VWA8: variants seen among roughly 807,000 people sequenced by gnomAD.
The protein encoded by VWA8 is von Willebrand factor A domain containing 8, also known as von Willebrand factor A domain-containing protein 8.
VWA8 carries 221 observed loss-of-function variants against 241.5 expected under a neutral mutation model. The observed-to-expected ratio is 0.91, with a 90% CI of 0.82 to 1.02. VWA8 has a LOEUF of 1.02. Among genes scored for constraint, VWA8 ranks in the 50% least tolerant of loss-of-function variants. VWA8 has a pLI of 0.00. For synonymous variants in VWA8, 852 were observed against 827.1 expected (o/e 1.03, Z -0.52); for missense variants, 2,322 against 2,328.7 (o/e 1.00, Z 0.06).
At chr13:41,847,091 T>C (rs890246376) in intron 12 of VWA8, among the ~76,000 whole-genome samples, 38 of 152,010 alleles carry the variant, frequency 2.5e-4, no homozygotes, top group Admixed American at 1.9e-3. Context: ...TGAATATATA[T>C]ATGAAGAGAG....
chr13:41,584,508 C>CT (rs2044404384), intron 42 of VWA8, among the ~76,000 whole-genome samples: 2 of 152,244 alleles, frequency 1.3e-5, no homozygotes, highest in Non-Finnish European at 2.9e-5. Context: ...GCTCAAAGAG[C>CT]TTGTTTTGTG....
chr13:41,605,349 C>T, intron 39 of VWA8, 73 bp from the exon 40 acceptor site: 3 of 1,440,612 alleles, frequency 2.1e-6, no homozygotes, highest in African/African-American at 1.4e-5. Flanking sequence ...CATTCGCCTC[C>T]TGCTGGAACT....
At chr13:41,915,103 C>T (rs1040910041) in intron 2 of VWA8, among the ~76,000 whole-genome samples, 2 of 152,132 alleles carry the variant, frequency 1.3e-5, no homozygotes, top group African/African-American at 4.8e-5. Context: ...TTGAAGCAAA[C>T]TGGAGCAGAA....
chr13:41,727,645 A>T (rs2045447520), intron 23 of VWA8, among the ~76,000 whole-genome samples: 2 of 152,166 alleles, frequency 1.3e-5, no homozygotes, highest in African/African-American at 2.4e-5. Flanking sequence ...AAAAATTAAA[A>T]ATAGAAATCC....
rs1361410587 is a variant in VWA8 at position 41,816,792 on chromosome 13, T to A, written c.1870-17A>T. ...ATTTGGGACCTATTTTTTGAAAGAG[T>A]TGAGGACAAACAGAAGGAATAAATC... On this transcript the variant is annotated splice_polypyrimidine_tract_variant and intron_variant, in intron 15 of 44. Transcript: ENST00000379310. 6.3e-7 allele frequency: 1 copy of A among 1,589,020 alleles called. No individual in the cohort carries two copies. Among genetic ancestry groups the A allele is most frequent in the South Asian group, 1.1e-5 (1 of 89,570 alleles).
In VWA8 at chr13:41,952,692, C is replaced by T. The variant is rs1878187672; in HGVS notation, c.164-2679G>A. Among the ~76,000 whole-genome samples the T allele has an allele frequency of 2.0e-5, 3 of 151,914 alleles. No homozygotes were observed. The South Asian group carries it at 6.2e-4, about 32-fold the overall frequency. ...CGACATCATCCTTCTAATAAATAATCTAGAAAAAGGGCAGACTATACAAAT... is the reference window on the plus strand; with the variant it reads ...CGACATCATCCTTCTAATAAATAATTTAGAAAAAGGGCAGACTATACAAAT... On this transcript the variant is annotated intron_variant, in intron 1 of 44. Transcript: ENST00000379310.
At chr13:41,638,537 T>C (rs1398833257) in intron 37 of VWA8, among the ~76,000 whole-genome samples, 1 of 152,082 alleles carries the variant, frequency 6.6e-6, no homozygotes, top group Non-Finnish European at 1.5e-5. Flanking sequence ...ATGAGAAGAC[T>C]GGGTTTCAAT....
chr13:41,882,021 G>A lies in VWA8; in HGVS notation c.1080+1366C>T, dbSNP rs561289621. Among the ~76,000 whole-genome samples the A allele has an allele frequency of 3.6e-3, 535 of 150,082 alleles. 3 individuals are homozygous for A. The highest frequency in any genetic ancestry group is 0.012 in the African/African-American group (505 of 40,486). Reference sequence around the variant, plus strand: ...TCACTTCTCAGATGGGGCGGCTTCCGGGCGGAGGGGCTCCTCACTTCTCAG... The same window carrying A: ...TCACTTCTCAGATGGGGCGGCTTCCAGGCGGAGGGGCTCCTCACTTCTCAG... On this transcript the variant is annotated intron_variant, in intron 9 of 44. Transcript: ENST00000379310.
At chr13:41,846,774 C>T (rs4290381) in intron 12 of VWA8, among the ~76,000 whole-genome samples, 13,378 of 152,148 alleles carry the variant, frequency 0.088, 715 homozygotes, top group African/African-American at 0.15. Flanking sequence ...CGGTGGCTCA[C>T]GCCTGTAATC....
chr13:41,596,277 A>G (rs1231764487), intron 40 of VWA8, among the ~76,000 whole-genome samples: 2 of 152,234 alleles, frequency 1.3e-5, no homozygotes, highest in South Asian at 2.1e-4. Flanking sequence ...TCTATCCTCT[A>G]GCCAGCCCAC....
intron 17 of VWA8, among the ~76,000 whole-genome samples, chr13:41,805,205 G>A (rs1462125788): frequency 6.6e-6 from 1 of 151,450 alleles, no homozygotes; most frequent in Non-Finnish European, 1.5e-5. Flanking sequence ...GAAAATAAAG[G>A]GACAGAAAAA....
chr13:41,856,698 C>A (rs1338585001), intron 12 of VWA8, among the ~76,000 whole-genome samples: 1 of 152,046 alleles, frequency 6.6e-6, no homozygotes, highest in East Asian at 1.9e-4. Context: ...CTGGTGTGCA[C>A]CTGTAGTCCC....
chr13:41,670,791 T>C (rs1005552485), intron 37 of VWA8, among the ~76,000 whole-genome samples, 155 bp downstream of exon 37: 20 of 152,306 alleles, frequency 1.3e-4, no homozygotes, highest in Non-Finnish European at 1.8e-4. Context: ...GGAGAATTTG[T>C]TTTTGTCTTT....
chr13:41,629,457 ATGAG>A (rs2044713232), intron 37 of VWA8, among the ~76,000 whole-genome samples: 1 of 152,230 alleles, frequency 6.6e-6, no homozygotes, highest in Non-Finnish European at 1.5e-5. Context: ...TATGCTTGTT[ATGAG>A]ATCAATAAAA....
intron 40 of VWA8, among the ~76,000 whole-genome samples, chr13:41,602,470 C>G (rs1004665072): frequency 1.3e-5 from 2 of 152,060 alleles, no homozygotes; most frequent in Non-Finnish European, 2.9e-5. Flanking sequence ...AAAATGGAAC[C>G]AATATTTCAC....
chr13:41,950,036 GAATAAT>G (rs745958830), intron 1 of VWA8, 23 bp from the exon 2 acceptor site: 5 of 1,421,104 alleles, frequency 3.5e-6, no homozygotes, highest in Non-Finnish European at 4.8e-6. Context: ...TTTAAAAACA[GAATAAT>G]TATAAGAGAC....
At chr13:41,610,632 G>A (rs1266087046) in intron 39 of VWA8, among the ~76,000 whole-genome samples, 2 of 152,158 alleles carry the variant, frequency 1.3e-5, no homozygotes, top group African/African-American at 4.8e-5. Context: ...TGTTCTACGT[G>A]GGAGGAATTT....
chr13:41,718,014 A>T (rs997281910), intron 26 of VWA8, among the ~76,000 whole-genome samples: 5 of 152,010 alleles, frequency 3.3e-5, no homozygotes, highest in African/African-American at 9.7e-5. Context: ...GAATAAGTTA[A>T]ACCATTTTTA....
At chr13:41,928,195 C>T (rs555767139) in intron 2 of VWA8, among the ~76,000 whole-genome samples, 42 of 152,184 alleles carry the variant, frequency 2.8e-4, no homozygotes, top group African/African-American at 8.9e-4. Context: ...ATATATCAAC[C>T]AGACAGAAAA....
Sources: allele counts gnomAD v4.1 joint callset (sites outside exome capture counted in the v4.1 genomes callset), GRCh38; gene constraint gnomAD v4.1.1; transcripts MANE v1.5; gene names NCBI Gene and HGNC (gene_info 2026-07-23, HGNC 2026-07-21).